Variants in CLDN10 observed in about 807,000 individuals in gnomAD.
CLDN10 encodes the protein claudin-10.
A neutral mutation model predicts 22.9 loss-of-function variants in CLDN10; 15 were observed. The observed-to-expected ratio is 0.65, with a 90% CI of 0.44 to 1.01. The LOEUF is 1.01. Ranked by LOEUF, CLDN10 falls within the 50% of genes least tolerant of loss-of-function variation. The pLI is 0.00. For synonymous variants in CLDN10, 114 were observed against 111.4 expected, an observed-to-expected ratio of 1.02 and a Z score of -0.15; for missense variants, 247 against 287.8, an observed-to-expected ratio of 0.86 and a Z score of 1.03.
chr13:95,496,857 G>A (rs1218845439), intron 1 of CLDN10, among the ~76,000 whole-genome samples: 2 of 152,164 alleles, frequency 1.3e-5, no homozygotes, highest in African/African-American at 2.4e-5. Flanking sequence ...CACTCCTTTT[G>A]TTTTCCTCAT....
chr13:95,460,444 G>T (rs936068405), intron 1 of CLDN10, among the ~76,000 whole-genome samples: 2 of 152,124 alleles, frequency 1.3e-5, no homozygotes, highest in African/African-American at 4.8e-5. Flanking sequence ...TCCTGTGGCT[G>T]GGAAGGCCTC....
chr13:95,538,682 G>A (rs2043427130), intron 1 of CLDN10, among the ~76,000 whole-genome samples: 1 of 152,098 alleles, frequency 6.6e-6, no homozygotes, highest in East Asian at 1.9e-4. Flanking sequence ...ATAGGGTAGA[G>A]CCTGGATCAC....
At chr13:95,484,810 G>T (rs1317579606) in intron 1 of CLDN10, among the ~76,000 whole-genome samples, 1 of 144,296 alleles carries the variant, frequency 6.9e-6, no homozygotes, top group South Asian at 2.3e-4. Flanking sequence ...AGGTTGGAAT[G>T]AGCCAAGATT....
intron 1 of CLDN10, among the ~76,000 whole-genome samples, chr13:95,475,832 T>TC (rs1266962685): frequency 7.3e-6 from 1 of 137,430 alleles, no homozygotes; most frequent in Non-Finnish European, 1.7e-5. Context: ...CTCTCCCTCT[T>TC]TCCCTCTCTC....
At chr13:95,508,591 C>T (rs1043336172) in intron 1 of CLDN10, among the ~76,000 whole-genome samples, 7 of 152,222 alleles carry the variant, frequency 4.6e-5, no homozygotes, top group Admixed American at 6.5e-5. Context: ...GTAAGGAAGG[C>T]GGACAACCGC....
chr13:95,562,113 G>A (rs868606064), intron 3 of CLDN10, among the ~76,000 whole-genome samples: 1 of 149,210 alleles, frequency 6.7e-6, no homozygotes, highest in Middle Eastern at 3.6e-3. Flanking sequence ...TGTATTTTTA[G>A]TAGGGACAGG....
intron 1 of CLDN10, among the ~76,000 whole-genome samples, chr13:95,530,527 T>C (rs1392114544): frequency 6.6e-6 from 1 of 152,156 alleles, no homozygotes; most frequent in East Asian, 1.9e-4. Context: ...CTGAGTATAC[T>C]CATCGAAAGG....
At chr13:95,561,993 G>C (rs140985385) in intron 3 of CLDN10, among the ~76,000 whole-genome samples, 1 of 150,838 alleles carries the variant, frequency 6.6e-6, no homozygotes, top group Non-Finnish European at 1.5e-5. Flanking sequence ...GCAGTGGTGC[G>C]ATCTCGACTC....
rs1480147149 is a variant in CLDN10, at chr13:95,531,108, C to T, written c.215-29024C>T. Among the ~76,000 whole-genome samples, 8 of 151,790 alleles carry T rather than the reference C, an allele frequency of 5.3e-5. No homozygotes were observed. In the South Asian group the frequency reaches 8.3e-4, roughly 16 times the overall value. ...TTATTTTTTGTATTTTTAGTAAAGA[C>T]GGGGTTTCACCATGTTAGCCAGGAT... On this transcript the variant is annotated intron_variant, in intron 1 of 4. Coordinates refer to the CLDN10 transcript ENST00000376873.
intron 1 of CLDN10, among the ~76,000 whole-genome samples, chr13:95,463,102 C>T (rs1422911946): frequency 6.6e-6 from 1 of 151,722 alleles, no homozygotes; most frequent in Non-Finnish European, 1.5e-5. Context: ...CCACATCTCT[C>T]TATAATAATA....
At chr13:95,566,659 C>T (rs2043791617) in intron 3 of CLDN10, among the ~76,000 whole-genome samples, 1 of 152,126 alleles carries the variant, frequency 6.6e-6, no homozygotes, top group African/African-American at 2.4e-5. Flanking sequence ...GCTTTTGTTG[C>T]CATTGCTTTT....
Position 95,560,234 on chromosome 13 carries a change from G to T in CLDN10, c.323G>T (p.Gly108Val). ...LFGMKCTKVG[G>V]SDKAKAKIAC... is the part of the protein sequence containing the mutation. ...GGAATGAAGTGTACCAAAGTCGGAG[G>T]CTCCGATAAAGCCAAAGCTAAAATT... The change falls in exon 2 of 5, where the codon GGC becomes GTC. Residue 108 changes from glycine (G) to valine (V), a missense_variant. Transcript: ENST00000299339. 5 of 1,614,180 alleles carry T rather than the reference G, an allele frequency of 3.1e-6. No individual in the cohort carries two copies. The highest frequency in any genetic ancestry group is 1.1e-5 in the South Asian group (1 of 91,078).
At chr13:95,494,486 T>A (rs1218159589) in intron 1 of CLDN10, among the ~76,000 whole-genome samples, 1 of 152,234 alleles carries the variant, frequency 6.6e-6, no homozygotes. Flanking sequence ...CTATTTGTTT[T>A]AAGGAGAACA....
chr13:95,563,889 A>C (rs1234670750), intron 3 of CLDN10, among the ~76,000 whole-genome samples: 1 of 152,252 alleles, frequency 6.6e-6, no homozygotes, highest in Non-Finnish European at 1.5e-5. Context: ...AATAAGCTAT[A>C]AATTGGCTAT....
At chr13:95,505,397 A>T (rs1030244105) in intron 1 of CLDN10, among the ~76,000 whole-genome samples, 3 of 152,204 alleles carry the variant, frequency 2.0e-5, no homozygotes, top group African/African-American at 7.2e-5. Context: ...GATGTCTTAC[A>T]ATGGGCACAT....
intron 1 of CLDN10, among the ~76,000 whole-genome samples, chr13:95,531,715 A>G (rs1041599452): frequency 5.7e-5 from 8 of 139,988 alleles, no homozygotes; most frequent in African/African-American, 1.9e-4. Context: ...TTTTTTTTTG[A>G]TATTTTTAGT....
intron 1 of CLDN10, among the ~76,000 whole-genome samples, chr13:95,523,484 TG>T (rs2043243062): frequency 1.3e-5 from 2 of 152,216 alleles, no homozygotes; most frequent in South Asian, 2.1e-4. Context: ...ATTTTACTTG[TG>T]GGATTATTTT....
chr13:95,531,018 A>G (rs2043336878), intron 1 of CLDN10, among the ~76,000 whole-genome samples: 1 of 151,452 alleles, frequency 6.6e-6, no homozygotes, highest in African/African-American at 2.4e-5. Context: ...TCCCGGGTTC[A>G]AGCGATTCTC....
intron 1 of CLDN10, among the ~76,000 whole-genome samples, chr13:95,438,867 T>G (rs533932236): frequency 6.6e-6 from 1 of 150,874 alleles, no homozygotes; most frequent in East Asian, 2.0e-4. Context: ...TAGTCCCCGC[T>G]CTTTGGGAGG....
Sources: gnomAD v4.1 joint callset for allele counts (sites outside exome capture counted in the v4.1 genomes callset) on GRCh38, gnomAD v4.1.1 for gene constraint, MANE v1.5 for transcripts, NCBI Gene and HGNC (gene_info 2026-07-23, HGNC 2026-07-21) for gene names.